EXT2: variants seen among roughly 807,000 people sequenced by gnomAD.
EXT2 encodes the protein exostosin-2.
EXT2 carries 53 observed loss-of-function variants against 81.6 expected under a neutral mutation model. The ratio of observed to expected loss-of-function variants is 0.65; its 90% confidence interval spans 0.52 to 0.82. The LOEUF is 0.82. EXT2 is among the 40% of genes least tolerant of loss of function. The pLI is 0.00. For synonymous variants in EXT2, 320 were observed against 340.0 expected (o/e 0.94, Z 0.65); for missense variants, 774 against 910.2 (o/e 0.85, Z 1.93).
chr11:44,173,340 A>G (rs1183916314), intron 8 of EXT2, among the ~76,000 whole-genome samples: 2 of 152,140 alleles, frequency 1.3e-5, no homozygotes, highest in Non-Finnish European at 2.9e-5. Flanking sequence ...ATGTAAGCAT[A>G]ATTTTGTAGT....
chr11:44,185,992 A>G lies in EXT2; in HGVS notation c.1306-11837A>G, dbSNP rs144274761. On this transcript the variant is annotated intron_variant, in intron 8 of 13. Transcript: ENST00000533608. ...TATAAGCCATCATGAACATTGTTGG[A>G]CACTTTGTCTTTGGTTTATAGATTG... 8.6e-3 allele frequency among the ~76,000 whole-genome samples: 1,307 copies of G among 152,300 alleles called. 24 individuals are homozygous for G. Among genetic ancestry groups the G allele is most frequent in the African/African-American group, 0.029 (1,217 of 41,560 alleles).
rs537786806 is a variant in EXT2, at chr11:44,101,881, A to G, written c.-30-5802A>G. On this transcript the variant is annotated intron_variant, in intron 1 of 13. Transcript: ENST00000533608. ...GGGAATCTTGACCCACTCTGATGCGAATAGAACATGGTGTTTCTAAGCTGG... is the reference window on the plus strand; with the variant it reads ...GGGAATCTTGACCCACTCTGATGCGGATAGAACATGGTGTTTCTAAGCTGG... 2.0e-4 allele frequency among the ~76,000 whole-genome samples: 30 copies of G among 152,082 alleles called. No individual in the cohort carries two copies. In the South Asian group the frequency reaches 6.0e-3, roughly 31 times the overall value.
chr11:44,124,458 C>CACACACAT (rs1451394133), intron 4 of EXT2, among the ~76,000 whole-genome samples: 3 of 151,614 alleles, frequency 2.0e-5, no homozygotes, highest in African/African-American at 7.3e-5. Flanking sequence ...CACACACACA[C>CACACACAT]ACACACACAC....
chr11:44,154,506 A>G (rs1954833392), intron 7 of EXT2, among the ~76,000 whole-genome samples: 1 of 152,146 alleles, frequency 6.6e-6, no homozygotes, highest in South Asian at 2.1e-4. Flanking sequence ...TCCATTGTGT[A>G]TAAGTACCAC....
intron 7 of EXT2, among the ~76,000 whole-genome samples, chr11:44,154,010 G>T: frequency 6.6e-6 from 1 of 150,426 alleles, no homozygotes; most frequent in African/African-American, 2.4e-5. Flanking sequence ...AAAATTTTAT[G>T]GGTACATAGT....
At chr11:44,216,260 A>G (rs1955718360) in intron 10 of EXT2, among the ~76,000 whole-genome samples, 1 of 152,228 alleles carries the variant, frequency 6.6e-6, no homozygotes, top group Non-Finnish European at 1.5e-5. Flanking sequence ...ATGCAGAAGA[A>G]TAGACCAAGT....
At chr11:44,178,289 G>T (rs1955186131) in intron 8 of EXT2, among the ~76,000 whole-genome samples, 1 of 152,210 alleles carries the variant, frequency 6.6e-6, no homozygotes. Context: ...GTTCTCAAGT[G>T]TTGGATATTG....
At chr11:44,200,468 C>T (rs56043712) in intron 9 of EXT2, among the ~76,000 whole-genome samples, 74 of 152,302 alleles carry the variant, frequency 4.9e-4, no homozygotes, top group African/African-American at 1.7e-3. Context: ...GAAGAAAAGG[C>T]AGGCTACTGC....
intron 13 of EXT2, among the ~76,000 whole-genome samples, chr11:44,237,115 G>C (rs542808848): frequency 8.5e-5 from 13 of 152,242 alleles, no homozygotes; most frequent in Admixed American, 2.0e-4. Context: ...TGACATCCCA[G>C]TAGTGCTTGT....
chr11:44,131,967 C>A (rs1177358198), intron 7 of EXT2, among the ~76,000 whole-genome samples: 1 of 152,158 alleles, frequency 6.6e-6, no homozygotes, highest in African/African-American at 2.4e-5. Context: ...AACTCTTGAC[C>A]CCAAGTGATC....
At chr11:44,096,143 G>C (rs1223609340) in intron 1 of EXT2, 8 of 1,072,328 alleles carry the variant, frequency 7.5e-6, no homozygotes, top group African/African-American at 6.2e-5. Flanking sequence ...TTCGCCCCCA[G>C]TCCGCTCCTT....
intron 4 of EXT2, among the ~76,000 whole-genome samples, chr11:44,123,999 C>T (rs1393589995): frequency 1.3e-5 from 2 of 150,572 alleles, no homozygotes; most frequent in African/African-American, 4.9e-5. Context: ...AAAATCTTCC[C>T]CTTGACTTCA....
chr11:44,173,420 CTTATT>C (rs985197488), intron 8 of EXT2, among the ~76,000 whole-genome samples: 4 of 151,716 alleles, frequency 2.6e-5, no homozygotes, highest in Non-Finnish European at 4.4e-5. Context: ...AGATCATAGA[CTTATT>C]TTTGTTTTAT....
intron 10 of EXT2, among the ~76,000 whole-genome samples, chr11:44,230,909 C>T (rs1955890961): frequency 6.6e-6 from 1 of 152,110 alleles, no homozygotes; most frequent in South Asian, 2.1e-4. Context: ...TTTCTGGACT[C>T]AGCAACACTT....
chr11:44,160,543 G>A (rs1954914866), intron 7 of EXT2, among the ~76,000 whole-genome samples: 1 of 152,204 alleles, frequency 6.6e-6, no homozygotes, highest in South Asian at 2.1e-4. Context: ...CATGAACAAA[G>A]TAATGATCAT....
intron 13 of EXT2, among the ~76,000 whole-genome samples, chr11:44,242,130 CA>C (rs1166212271): frequency 6.6e-6 from 1 of 152,238 alleles, no homozygotes; most frequent in Non-Finnish European, 1.5e-5. Context: ...TGCCAAGAAC[CA>C]GGATTCTTCT....
At chr11:44,141,658 G>A (rs921301700) in intron 7 of EXT2, among the ~76,000 whole-genome samples, 4 of 152,184 alleles carry the variant, frequency 2.6e-5, no homozygotes, top group African/African-American at 9.7e-5. Flanking sequence ...AAGGTGGCGG[G>A]TAAAATGGTC....
chr11:44,225,472 T>A (rs1244553414), intron 10 of EXT2, among the ~76,000 whole-genome samples: 1 of 151,572 alleles, frequency 6.6e-6, no homozygotes, highest in Non-Finnish European at 1.5e-5. Context: ...GAGCAAAGGG[T>A]TTTTTCGTGT....
chr11:44,112,482 T>C (rs1321615926), intron 3 of EXT2, among the ~76,000 whole-genome samples: 1 of 152,210 alleles, frequency 6.6e-6, no homozygotes, highest in African/African-American at 2.4e-5. Context: ...GAAATTCACT[T>C]TTCAGTCAAT....
Sources: allele counts gnomAD v4.1 joint callset (sites outside exome capture counted in the v4.1 genomes callset), GRCh38; gene constraint gnomAD v4.1.1; transcripts MANE v1.5; gene names NCBI Gene and HGNC (gene_info 2026-07-23, HGNC 2026-07-21).